The following EPHA2 variants were observed in gnomAD, a reference collection of about 807,000 sequenced individuals.
EPHA2 encodes ephrin type-A receptor 2.
EPHA2 carries 54 observed loss-of-function variants against 104.9 expected under a neutral mutation model. The ratio of observed to expected loss-of-function variants is 0.51; its 90% confidence interval spans 0.41 to 0.65. EPHA2 has a LOEUF of 0.65. Ranked by LOEUF, EPHA2 falls within the 30% of genes least tolerant of loss-of-function variation. The pLI is 0.00. For missense variants in EPHA2, 1,117 were observed against 1,369.5 expected (o/e 0.82, Z 2.91); for synonymous variants, 560 against 559.1 (o/e 1.00, Z -0.02).
At chr1:16,133,062 G>T in intron 11 of EPHA2, 118 bp downstream of exon 11, 1 of 1,372,900 alleles carries the variant, frequency 7.3e-7, no homozygotes, top group Non-Finnish European at 1.0e-6. Flanking sequence ...TGTAGAGGAG[G>T]TGGGTGCAGG....
Position 16,131,939 on chromosome 1 carries a change from C to T in EPHA2, c.2326-69G>A, listed in dbSNP as rs2024577267. 6.3e-7 allele frequency: 1 copy of T among 1,599,782 alleles called. No individual in the cohort carries two copies. The highest frequency in any genetic ancestry group is 1.1e-5 in the South Asian group (1 of 89,904). On this transcript the variant is annotated intron_variant, in intron 13 of 16. Transcript: ENST00000358432. This position sits in a 1 kb window ranked among gnomAD's most constrained non-coding sequence, Gnocchi z 5.2. The stretch of plus-strand genomic sequence containing the variant: ...GCCCCAGGACCATTGCAGCCAAGCC[C>T]CACGACCCCTCCCTGGACTCCTACA...
At position 16,150,992 on chromosome 1, in the gene EPHA2, C is replaced by T. The variant is rs757289926; in HGVS notation, c.86-29G>A. 1.2e-6 allele frequency: 2 copies of T among 1,612,486 alleles called. No homozygotes were observed. The highest frequency in any genetic ancestry group is 1.7e-5 in the Admixed American group (1 of 60,016). On this transcript the variant is annotated intron_variant, in intron 1 of 16. Transcript: ENST00000358432. This position sits in a 1 kb window ranked among gnomAD's most constrained non-coding sequence, Gnocchi z 4.8. ...AAAGGGAGAAGGGAGAGGGGGTGAG[C>T]CTGGGGGTGTCTTCAGGAGTCAGAC...
At chr1:16,136,250 G>A (rs2024680636) in intron 5 of EPHA2, among the ~76,000 whole-genome samples, 1 of 151,638 alleles carries the variant, frequency 6.6e-6, no homozygotes, top group Non-Finnish European at 1.5e-5. Flanking sequence ...CCTCCACCCT[G>A]GCCCCATCAC....
At position 16,131,553 on chromosome 1, in the gene EPHA2, C is replaced by G. The variant is rs559399213; in HGVS notation, c.2475+168G>C. Among the ~76,000 whole-genome samples, 1 of 151,874 alleles carries G rather than the reference C, an allele frequency of 6.6e-6. No homozygotes were observed. Among genetic ancestry groups the G allele is most frequent in the African/African-American group, 2.4e-5 (1 of 41,318 alleles). On this transcript the variant is annotated intron_variant, in intron 14 of 16. Coordinates refer to ENST00000358432, the MANE Select transcript of EPHA2 (RefSeq NM_004431.5). This position sits in a 1 kb window ranked among gnomAD's most constrained non-coding sequence, Gnocchi z 5.2. ...TGAGATCATGCCAGTGAACTCCAGCCTGGGCAACAAGAGCAAAACTCCGTC... is the reference window on the plus strand; with the variant it reads ...TGAGATCATGCCAGTGAACTCCAGCGTGGGCAACAAGAGCAAAACTCCGTC...
At chr1:16,133,802 C>T (rs1218176622) in intron 9 of EPHA2, 58 bp downstream of exon 9, 2 of 1,506,454 alleles carry the variant, frequency 1.3e-6, no homozygotes, top group African/African-American at 1.4e-5. Context: ...CCCACCTCCC[C>T]CACAGAGCTG....
rs1212359128 is a variant in EPHA2 at position 16,135,577 on chromosome 1, T to C, written c.1428+78A>G. 6 of 1,381,502 alleles carry C rather than the reference T, an allele frequency of 4.3e-6. No individual in the cohort carries two copies. The highest frequency in any genetic ancestry group is 6.2e-6 in the Non-Finnish European group (6 of 969,128). The allele number at this position is 1,381,502 out of a possible 1,614,324, so 85.6% of individuals were successfully genotyped here. A position where few individuals can be genotyped will look rare whatever the true frequency, so the allele number is the denominator to read the frequency against. ...GGTGCTTCTTCAGATGGCTGGGTGGTTTGGTGATCATCTATGTGACCAGCC... is the reference window on the plus strand; with the variant it reads ...GGTGCTTCTTCAGATGGCTGGGTGGCTTGGTGATCATCTATGTGACCAGCC... On this transcript the variant is annotated intron_variant, in intron 6 of 16. Transcript: ENST00000358432. This position sits in a 1 kb window ranked among gnomAD's most constrained non-coding sequence, Gnocchi z 4.3.
At chr1:16,142,229 T>A (rs2024836259) in intron 3 of EPHA2, among the ~76,000 whole-genome samples, 1 of 152,238 alleles carries the variant, frequency 6.6e-6, no homozygotes, top group South Asian at 2.1e-4. Flanking sequence ...TAATCTTATG[T>A]TTACCAAATA....
chr1:16,142,859 T>C (rs1221562467), intron 3 of EPHA2, among the ~76,000 whole-genome samples: 1 of 134,732 alleles, frequency 7.4e-6, no homozygotes, highest in African/African-American at 2.9e-5. Flanking sequence ...GATAGATGGA[T>C]GGATGGGGCG....
In EPHA2 at chr1:16,135,156, C is replaced by T. The variant is rs145459140; in HGVS notation, c.1462G>A (p.Glu488Lys). The T allele has an allele frequency of 2.0e-5, 32 of 1,613,864 alleles. No homozygotes were observed. Among genetic ancestry groups the T allele is most frequent in the African/African-American group, 4.0e-5 (3 of 74,908 alleles). ...DSNSYNVRRT[E>K]GFSVTLDDLA... ...TCGTCCAGGGTCACGGAGAAACCCT[C>T]GGTGCGGCGCACATTGTAGCTGTTG... The change falls in exon 7 of 17, where the codon GAG (glutamate) becomes AAG (lysine). Residue 488 changes from glutamate to lysine, a missense_variant. Physicochemically the swap from Glu to Lys is moderately conservative, Grantham distance 56. Transcript: ENST00000358432. The surrounding 1 kb of genome is among the most constrained non-coding windows in gnomAD (Gnocchi z 4.3).
Position 16,125,643 on chromosome 1 carries a change from C to A in EPHA2, c.2826-323G>T, listed in dbSNP as rs1361146067. Among the ~76,000 whole-genome samples, 1 of 152,146 alleles carries A rather than the reference C, an allele frequency of 6.6e-6. No individual in the cohort carries two copies. The highest frequency in any genetic ancestry group is 1.5e-5 in the Non-Finnish European group (1 of 68,034). On this transcript the variant is annotated intron_variant, in intron 16 of 16. Coordinates refer to ENST00000358432, the MANE Select transcript of EPHA2 (RefSeq NM_004431.5). The surrounding 1 kb of genome is among the most constrained non-coding windows in gnomAD (Gnocchi z 4.9). ...CTGAATTATCTGTGAGGCAGGTGCT[C>A]TTTTTCATCCCCATTTTGCAGATTA...
rs780700517 is a variant in EPHA2, at chr1:16,130,391, C to T, written c.2504G>A (p.Arg835Gln). The T allele has an allele frequency of 3.9e-6, 6 of 1,546,408 alleles. No homozygotes were observed. The African/African-American group carries it at 5.5e-5, about 14-fold the overall frequency. Residue 835 changes from arginine to glutamine, a missense_variant, in exon 15 of 17, where the codon CGG (arginine) becomes CAG (glutamine). By Grantham distance (43) the Arg-to-Gln change is conservative. Around this residue, in one of 3 missense-constraint regions of EPHA2, gnomAD observed 340 missense variants for 480.5 expected, o/e 0.71. Coordinates refer to ENST00000358432, the MANE Select transcript of EPHA2 (RefSeq NM_004431.5). The surrounding 1 kb of genome is among the most constrained non-coding windows in gnomAD (Gnocchi z 4.5). ...EVMKAINDGFRLPTPMDCPSA... is the reference protein window; with the variant it reads ...EVMKAINDGFQLPTPMDCPSA... ...GGGGCAGTCCATGGGTGTGGGGAGC[C>T]GGAAGCCATCATTGATGGCTTTCAT...
Position 16,148,447 on chromosome 1 carries a change from C to T in EPHA2, c.754G>A (p.Glu252Lys), listed in dbSNP as rs749273208. The change falls in exon 3 of 17, where the codon GAG (glutamate) becomes AAG (lysine). Residue 252 changes from glutamate to lysine, a missense_variant. This residue lies in a region of EPHA2 where 664 missense variants were observed against 784.8 expected (regional missense o/e 0.85). Coordinates refer to ENST00000358432, the MANE Select transcript of EPHA2 (RefSeq NM_004431.5). The surrounding 1 kb of genome is among the most constrained non-coding windows in gnomAD (Gnocchi z 4.9). ...EPRMHCAVDG[E>K]WLVPIGQCLC... ...CACTGCCCAATGGGCACCAGCCACT[C>T]GCCATCCACTGCACAGTGCATACGG... 7.4e-6 allele frequency: 12 copies of T among 1,613,878 alleles called. No individual in the cohort carries two copies. The highest frequency in any genetic ancestry group is 2.2e-5 in the East Asian group (1 of 44,888).
intron 13 of EPHA2, 45 bp downstream of exon 13, chr1:16,132,019 A>G (rs774345042): frequency 2.1e-5 from 34 of 1,613,594 alleles, no homozygotes; most frequent in Non-Finnish European, 2.9e-5. Context: ...GACACCATGC[A>G]GGGCGAAGGC....
At chr1:16,132,578 G>T (rs1400511578) in intron 11 of EPHA2, 139 bp from the exon 12 acceptor site, 2 of 876,922 alleles carry the variant, frequency 2.3e-6, no homozygotes, top group Non-Finnish European at 3.7e-6. Context: ...GTGTGGGGAG[G>T]GTGGGTACAG....
chr1:16,144,628 G>A (rs1332525400), intron 3 of EPHA2, among the ~76,000 whole-genome samples: 1 of 152,224 alleles, frequency 6.6e-6, no homozygotes, highest in East Asian at 1.9e-4. Context: ...GCCCCAGTGG[G>A]AAACCACAGG....
At chr1:16,145,870 G>C (rs1300755621) in intron 3 of EPHA2, among the ~76,000 whole-genome samples, 3 of 152,200 alleles carry the variant, frequency 2.0e-5, no homozygotes, top group Non-Finnish European at 2.9e-5. Context: ...GTGACTTCAG[G>C]CAAGCCTCTT....
intron 2 of EPHA2, among the ~76,000 whole-genome samples, 178 bp from the exon 3 acceptor site, chr1:16,149,225 G>T (rs1480263238): frequency 6.6e-6 from 1 of 152,158 alleles, no homozygotes; most frequent in Non-Finnish European, 1.5e-5. Flanking sequence ...GCTGGAATCT[G>T]GCCCCTGGTC....
Position 16,131,820 on chromosome 1 carries a change from C to G in EPHA2, c.2376G>C (p.Arg792=). Residue 792 remains arginine (R), a synonymous_variant, in exon 14 of 17, where the codon CGG becomes CGC. Transcript: ENST00000358432. This position sits in a 1 kb window ranked among gnomAD's most constrained non-coding sequence, Gnocchi z 5.2. ...RWTAPEAISY[R]KFTSASDVWS... ...ACACGTCGCTGGCAGAGGTGAACTTCCGGTAGGAAATGGCCTCCGGGGCGG... is the reference window on the plus strand; with the variant it reads ...ACACGTCGCTGGCAGAGGTGAACTTGCGGTAGGAAATGGCCTCCGGGGCGG... 1 of 1,614,122 alleles carries G rather than the reference C, an allele frequency of 6.2e-7. No individual in the cohort carries two copies. The highest frequency in any genetic ancestry group is 8.5e-7 in the Non-Finnish European group (1 of 1,180,034).
rs939858007 is a variant in EPHA2 at position 16,150,878 on chromosome 1, C to T, written c.153+18G>A. On this transcript the variant is annotated intron_variant, in intron 2 of 16. Coordinates refer to ENST00000358432, the MANE Select transcript of EPHA2 (RefSeq NM_004431.5). The surrounding 1 kb of genome is among the most constrained non-coding windows in gnomAD (Gnocchi z 4.8). ...AGCCCCATTCTCACACCTCTCCCCA[C>T]CCCGAAGGCTTACATACCCCTTTGC... is the stretch of plus-strand genomic sequence containing the variant. 2 of 1,614,064 alleles carry T rather than the reference C, an allele frequency of 1.2e-6. No homozygotes were observed. Among genetic ancestry groups the T allele is most frequent in the Non-Finnish European group, 1.7e-6 (2 of 1,179,954 alleles).
Sources: gnomAD v4.1 joint callset for allele counts (sites outside exome capture counted in the v4.1 genomes callset) on GRCh38, gnomAD v4.1.1 for gene constraint, gnomAD v4.1.1 regional missense constraint, Gnocchi (gnomAD v3.1) non-coding constraint, MANE v1.5 for transcripts, NCBI Gene and HGNC (gene_info 2026-07-23, HGNC 2026-07-21) for gene names.